Variants in PCDHGB1 observed in about 807,000 individuals in gnomAD.
PCDHGB1 encodes protocadherin gamma-B1.
PCDHGB1 carries 34 observed loss-of-function variants against 56.6 expected under a neutral mutation model. The observed-to-expected ratio is 0.60, with a 90% CI of 0.46 to 0.80. The LOEUF is 0.80. Ranked by LOEUF, PCDHGB1 falls within the 30% of genes least tolerant of loss-of-function variation. The probability of loss-of-function intolerance (pLI) is 0.00; values close to 1 mark genes in which losing one functional copy is unlikely to be tolerated. For missense variants in PCDHGB1, 1,278 were observed against 1,204.6 expected (o/e 1.06, Z -0.90); for synonymous variants, 561 against 505.9 (o/e 1.11, Z -1.46).
intron 1 of PCDHGB1, among the ~76,000 whole-genome samples, chr5:141,433,809 C>A (rs913637407): frequency 5.3e-5 from 8 of 149,948 alleles, no homozygotes; most frequent in Non-Finnish European, 1.2e-4. Flanking sequence ...TGCACTCCAG[C>A]CTGGGCAACA....
intron 2 of PCDHGB1, among the ~76,000 whole-genome samples, chr5:141,498,555 C>T (rs2099784323): frequency 6.6e-6 from 1 of 152,032 alleles, no homozygotes; most frequent in South Asian, 2.1e-4. Flanking sequence ...GACACACCAG[C>T]TTCAAAGCAG....
At chr5:141,372,130 C>T in intron 1 of PCDHGB1, 4 of 1,613,648 alleles carry the variant, frequency 2.5e-6, no homozygotes, top group South Asian at 1.1e-5. Context: ...GATATGGTGC[C>T]GCGCTCTGCA....
rs2096153349 is a variant in PCDHGB1 at position 141,417,731 on chromosome 5, C to G, written c.2409+65062C>G. 2.2e-6 allele frequency: 3 copies of G among 1,378,810 alleles called. No homozygotes were observed. In the East Asian group the frequency reaches 7.6e-5, roughly 35 times the overall value. 85.4% of individuals were successfully genotyped at this position (1,378,810 alleles called of 1,614,324 possible). A position where few individuals can be genotyped will look rare whatever the true frequency, so the allele number is the denominator to read the frequency against. On this transcript the variant is annotated intron_variant, in intron 1 of 3. Coordinates refer to ENST00000523390, the MANE Select transcript of PCDHGB1 (RefSeq NM_018922.3). ...AGGCTCCCGGCTGCGCAGACCTTGC[C>G]CAGCACACCAGATTGCCAGCTCCGA...
intron 3 of PCDHGB1, among the ~76,000 whole-genome samples, chr5:141,510,556 T>TA (rs2099881668): frequency 6.6e-6 from 1 of 152,178 alleles, no homozygotes; most frequent in African/African-American, 2.4e-5. Flanking sequence ...TTTGAGCACT[T>TA]ACATCTACCA....
chr5:141,472,980 CA>C (rs60579131), intron 1 of PCDHGB1, among the ~76,000 whole-genome samples: 39,687 of 85,940 alleles, frequency 0.46, 5,633 homozygotes, highest in African/African-American at 0.56. Flanking sequence ...GAGTGAAACT[CA>C]AAAAAAAAAA....
At position 141,486,641 on chromosome 5, in the gene PCDHGB1, A is replaced by C; in HGVS notation, c.2410-8166A>C. On this transcript the variant is annotated intron_variant, in intron 1 of 3. Transcript: ENST00000523390. The surrounding 1 kb of genome is among the most constrained non-coding windows in gnomAD (Gnocchi z 5.0). ...CCCAGACTCTGGCTTGAATGCGCTTATCTCCTACTCACTCCTGGAGCCCAG... is the reference window on the plus strand; with the variant it reads ...CCCAGACTCTGGCTTGAATGCGCTTCTCTCCTACTCACTCCTGGAGCCCAG... 6.2e-7 allele frequency: 1 copy of C among 1,613,734 alleles called. No individual in the cohort carries two copies. The highest frequency in any genetic ancestry group is 1.6e-4 in the Middle Eastern group (1 of 6,062).
At chr5:141,470,858 TTTTG>T (rs775688955) in intron 1 of PCDHGB1, among the ~76,000 whole-genome samples, 79 of 151,956 alleles carry the variant, frequency 5.2e-4, no homozygotes, top group Non-Finnish European at 3.5e-4. Context: ...CAGATAAGTT[TTTTG>T]TTTGTTTGTT....
In PCDHGB1 at chr5:141,491,272, A is replaced by G. The variant is rs2099710110; in HGVS notation, c.2410-3535A>G. On this transcript the variant is annotated intron_variant, in intron 1 of 3. Transcript: ENST00000523390. The surrounding 1 kb of genome is among the most constrained non-coding windows in gnomAD (Gnocchi z 6.9). The stretch of plus-strand genomic sequence containing the variant: ...GGACCCTGAGGAAATGCCCAAATCC[A>G]GTGACTTCCTCATACACCCTCCTGA... The G allele has an allele frequency of 1.2e-6, 2 of 1,614,084 alleles. No homozygotes were observed. Among genetic ancestry groups the G allele is most frequent in the Non-Finnish European group, 1.7e-6 (2 of 1,179,928 alleles).
chr5:141,361,540 G>C, intron 1 of PCDHGB1: 2 of 1,614,018 alleles, frequency 1.2e-6, no homozygotes, highest in South Asian at 1.1e-5. Context: ...TCCTCCTGGC[G>C]CCTCTATCGC....
chr5:141,476,741 A>G lies in PCDHGB1; in HGVS notation c.2410-18066A>G, dbSNP rs1430298222. On this transcript the variant is annotated intron_variant, in intron 1 of 3. Transcript: ENST00000523390. The surrounding 1 kb of genome is among the most constrained non-coding windows in gnomAD (Gnocchi z 7.6). ...CGCCCTGGACCGAGAACGGGAGCCT[A>G]GTCTCCAGTTAGTGCTGACGGCGTT... The G allele has an allele frequency of 6.2e-7, 1 of 1,613,936 alleles. No individual in the cohort carries two copies. Among genetic ancestry groups the G allele is most frequent in the Non-Finnish European group, 8.5e-7 (1 of 1,180,032 alleles).
In PCDHGB1 at chr5:141,486,047, C is replaced by T. The variant is rs763394605; in HGVS notation, c.2410-8760C>T. Reference sequence around the variant, plus strand: ...TCATACCCCTGATCGTGTAAGAAACCTCTTTAGCCTGCACCCCACTACTGG... The same window carrying T: ...TCATACCCCTGATCGTGTAAGAAACTTCTTTAGCCTGCACCCCACTACTGG... On this transcript the variant is annotated intron_variant, in intron 1 of 3. Transcript: ENST00000523390. The surrounding 1 kb of genome is among the most constrained non-coding windows in gnomAD (Gnocchi z 5.0). 2.5e-6 allele frequency: 4 copies of T among 1,614,054 alleles called. No individual in the cohort carries two copies. The African/African-American group carries it at 5.3e-5, about 22-fold the overall frequency.
In PCDHGB1 at chr5:141,438,327, A is replaced by G. The variant is rs369043587; in HGVS notation, c.2410-56480A>G. 1.5e-4 allele frequency among the ~76,000 whole-genome samples: 23 copies of G among 152,106 alleles called. No homozygotes were observed. The East Asian group carries it at 4.1e-3, about 27-fold the overall frequency. ...TTGGTACCACCATAATTTTTCTTAT[A>G]CATGTCATATAAGGATCTACTCTGT... On this transcript the variant is annotated intron_variant, in intron 1 of 3. Transcript: ENST00000523390.
chr5:141,383,391 G>C, intron 1 of PCDHGB1: 2 of 1,613,978 alleles, frequency 1.2e-6, no homozygotes, highest in Non-Finnish European at 1.7e-6. Flanking sequence ...ATGTGGGCAC[G>C]AACTCCCTCC....
rs747671382 is a variant in PCDHGB1 at position 141,444,152 on chromosome 5, A to ATTTTTTTT, written c.2410-50626_2410-50619dup. ...GATATGTGTCACTTGTGTGTACTGG[A>ATTTTTTTT]TTTTTTTTTTTTTTTTTTTTTTTTT... On this transcript the variant is annotated intron_variant, in intron 1 of 3. Transcript: ENST00000523390. Among the ~76,000 whole-genome samples, 8 of 33,898 alleles carry ATTTTTTTT rather than the reference A, an allele frequency of 2.4e-4. 3 individuals are homozygous for ATTTTTTTT. Among genetic ancestry groups the ATTTTTTTT allele is most frequent in the African/African-American group, 5.6e-4 (4 of 7,184 alleles). The allele number at this position is 33,898 out of a possible 152,430, so 22.2% of individuals were successfully genotyped here.
At chr5:141,448,862 G>A (rs1406203589) in intron 1 of PCDHGB1, among the ~76,000 whole-genome samples, 2 of 151,996 alleles carry the variant, frequency 1.3e-5, no homozygotes, top group African/African-American at 2.4e-5. Context: ...GGAGAATGGC[G>A]TGAACCTGGG....
chr5:141,483,904 T>A (rs11750647), intron 1 of PCDHGB1, among the ~76,000 whole-genome samples: 24,531 of 151,676 alleles, frequency 0.16, 2,105 homozygotes, highest in African/African-American at 0.21. Context: ...CTCTGGTGTG[T>A]TTCCCACTCA....
At position 141,413,851 on chromosome 5, in the gene PCDHGB1, C is replaced by T. The variant is rs766108205; in HGVS notation, c.2409+61182C>T. The T allele has an allele frequency of 1.5e-5, 25 of 1,613,340 alleles. No homozygotes were observed. In the East Asian group the frequency reaches 2.7e-4, roughly 17 times the overall value. ...CGCCTCCGACGGGGGTGACCCTCTC[C>T]GATCTGGCACTGTCCTTGTCAGTGT... On this transcript the variant is annotated intron_variant, in intron 1 of 3. Coordinates refer to ENST00000523390, the MANE Select transcript of PCDHGB1 (RefSeq NM_018922.3).
At chr5:141,488,660 G>A (rs1274725688) in intron 1 of PCDHGB1, among the ~76,000 whole-genome samples, 1 of 152,148 alleles carries the variant, frequency 6.6e-6, no homozygotes, top group East Asian at 1.9e-4. Flanking sequence ...GGGAGGGTGG[G>A]GGAATACATG....
At chr5:141,370,145 T>C in intron 1 of PCDHGB1, 1 of 438,916 alleles carries the variant, frequency 2.3e-6, no homozygotes. Context: ...TTAGTCACCA[T>C]TACTGCAGTT....
Sources: allele counts gnomAD v4.1 joint callset (sites outside exome capture counted in the v4.1 genomes callset), GRCh38; gene constraint gnomAD v4.1.1; non-coding constraint Gnocchi (gnomAD v3.1); transcripts MANE v1.5; gene names NCBI Gene and HGNC (gene_info 2026-07-23, HGNC 2026-07-21).